The following DSTYK variants were observed in gnomAD, a reference collection of about 807,000 sequenced individuals.
The protein encoded by DSTYK is RIP-homologous kinase.
A neutral mutation model predicts 98.7 loss-of-function variants in DSTYK; 34 were observed. That is an observed-to-expected ratio of 0.34 (90% CI 0.26 to 0.46). DSTYK has a LOEUF of 0.46. Among genes scored for constraint, DSTYK ranks in the 20% least tolerant of loss-of-function variants. DSTYK has a pLI of 1.00. For missense variants in DSTYK, 962 were observed against 1,181.7 expected (o/e 0.81, Z 2.73); for synonymous variants, 462 against 457.3 (o/e 1.01, Z -0.13).
At chr1:205,178,744 T>C (rs2102431906) in intron 2 of DSTYK, among the ~76,000 whole-genome samples, 1 of 152,286 alleles carries the variant, frequency 6.6e-6, no homozygotes, top group Middle Eastern at 3.4e-3. Context: ...CACTGATTTA[T>C]TCAAAGGCAG....
chr1:205,148,284 G>C lies in DSTYK; in HGVS notation c.2523C>G (p.Ile841Met). 1 of 1,614,072 alleles carries C rather than the reference G, an allele frequency of 6.2e-7. No homozygotes were observed. The highest frequency in any genetic ancestry group is 1.3e-5 in the African/African-American group (1 of 75,016). Residue 841 changes from isoleucine (I) to methionine (M), a missense_variant, in exon 12 of 13, where the codon ATC becomes ATG. Ile to Met is a conservative substitution (Grantham distance 10). Around this residue, in one of 4 missense-constraint regions of DSTYK, gnomAD observed 69 missense variants for 142.9 expected, o/e 0.48. Transcript: ENST00000367162. Reference sequence around the variant, plus strand: ...CAGGGAGCTTGACAGAGCCTGAGCAGATATACCAGAAAAGAATTCCAAAAG... The same window carrying C: ...CAGGGAGCTTGACAGAGCCTGAGCACATATACCAGAAAAGAATTCCAAAAG... Reference protein sequence around the residue: ...VYAFGILFWYICSGSVKLPEA... With the variant: ...VYAFGILFWYMCSGSVKLPEA...
chr1:205,211,443 G>A lies in DSTYK; in HGVS notation c.93C>T (p.Phe31=), dbSNP rs777668350. 5 of 1,602,832 alleles carry A rather than the reference G, an allele frequency of 3.1e-6. No individual in the cohort carries two copies. Among genetic ancestry groups the A allele is most frequent in the African/African-American group, 1.3e-5 (1 of 74,830 alleles). Residue 31 remains phenylalanine, a synonymous_variant, in exon 1 of 13, where the codon TTC becomes TTT. Coordinates refer to ENST00000367162, the MANE Select transcript of DSTYK (RefSeq NM_015375.3). The part of the protein sequence containing the change: ...GGMIRELCRG[F]GRYRRYLGRL... ...GTCCCAGGTAGCGGCGGTAGCGGCC[G>A]AAGCCCCGGCACAGCTCGCGGATCA...
At chr1:205,159,410 G>A in intron 9 of DSTYK, 137 bp downstream of exon 9, 1 of 1,163,578 alleles carries the variant, frequency 8.6e-7, no homozygotes, top group South Asian at 1.7e-5. Context: ...AAGGGTTTTT[G>A]GAAATAAGTG....
At chr1:205,208,475 A>G (rs1307393459) in intron 1 of DSTYK, among the ~76,000 whole-genome samples, 1 of 152,248 alleles carries the variant, frequency 6.6e-6, no homozygotes, top group Non-Finnish European at 1.5e-5. Flanking sequence ...CTAGAGGCAC[A>G]GTTCCATTCT....
intron 3 of DSTYK, among the ~76,000 whole-genome samples, chr1:205,166,112 C>T (rs1312958559): frequency 6.6e-6 from 1 of 152,056 alleles, no homozygotes; most frequent in Non-Finnish European, 1.5e-5. Context: ...TCAGGCATAT[C>T]CATTAGAAGA....
intron 3 of DSTYK, among the ~76,000 whole-genome samples, chr1:205,168,731 T>C (rs1445041988): frequency 6.6e-6 from 1 of 152,216 alleles, no homozygotes; most frequent in African/African-American, 2.4e-5. Flanking sequence ...CCTCCTGATG[T>C]GGGCTTCAGA....
chr1:205,177,527 T>G (rs886520172), intron 2 of DSTYK, among the ~76,000 whole-genome samples: 1 of 152,168 alleles, frequency 6.6e-6, no homozygotes, highest in African/African-American at 2.4e-5. Flanking sequence ...AAATATTAAT[T>G]ACATATTAAG....
rs1027731621 is a variant in DSTYK at position 205,211,643 on chromosome 1, C to G, written c.-108G>C. 1 of 1,368,240 alleles carries G rather than the reference C, an allele frequency of 7.3e-7. No individual in the cohort carries two copies. Among genetic ancestry groups the G allele is most frequent in the African/African-American group, 1.5e-5 (1 of 64,868 alleles). The allele number at this position is 1,368,240 out of a possible 1,614,324, so 84.8% of individuals were successfully genotyped here. A position where few individuals can be genotyped will look rare whatever the true frequency, so the allele number is the denominator to read the frequency against. On this transcript the variant is annotated 5_prime_UTR_variant, in exon 1 of 13. Transcript: ENST00000367162. ...GAGGAGGAATCCGCCTCCTGACGCCCCCGCCTGCAGTCAGCCTGGCTCCCA... is the reference window on the plus strand; with the variant it reads ...GAGGAGGAATCCGCCTCCTGACGCCGCCGCCTGCAGTCAGCCTGGCTCCCA...
chr1:205,152,431 C>G (rs1469132004), intron 10 of DSTYK, among the ~76,000 whole-genome samples: 2 of 152,228 alleles, frequency 1.3e-5, no homozygotes, highest in Non-Finnish European at 2.9e-5. Flanking sequence ...CCTGCCTCGG[C>G]CTCCCAAAGT....
chr1:205,211,523 C>A lies in DSTYK; in HGVS notation c.13G>T (p.Gly5Trp). 1 of 1,547,344 alleles carries A rather than the reference C, an allele frequency of 6.5e-7. No homozygotes were observed. Reference sequence around the variant, plus strand: ...ACGGGCTCGCTGCCCCATGGCACCCCGTCGCCCTCCATCGCCTCTGCCCGC... The same window carrying A: ...ACGGGCTCGCTGCCCCATGGCACCCAGTCGCCCTCCATCGCCTCTGCCCGC... MEGD[G>W]VPWGSEPVSG... is the part of the protein sequence containing the mutation. Residue 5 changes from glycine to tryptophan, a missense_variant, in exon 1 of 13, where the codon GGG (glycine) becomes TGG (tryptophan). Around this residue, in one of 4 missense-constraint regions of DSTYK, gnomAD observed 168 missense variants for 120.0 expected, o/e 1.40. Transcript: ENST00000367162.
chr1:205,191,075 C>T (rs1296865239), intron 1 of DSTYK, among the ~76,000 whole-genome samples: 1 of 152,162 alleles, frequency 6.6e-6, no homozygotes, highest in Non-Finnish European at 1.5e-5. Flanking sequence ...CTTCCCCCCT[C>T]CATCTTTCCT....
chr1:205,175,755 G>C (rs1437140284), intron 2 of DSTYK, among the ~76,000 whole-genome samples: 1 of 152,222 alleles, frequency 6.6e-6, no homozygotes, highest in South Asian at 2.1e-4. Flanking sequence ...ACCTGAGAGG[G>C]AAGTCTGACC....
At chr1:205,175,022 C>G (rs1333591722) in intron 2 of DSTYK, among the ~76,000 whole-genome samples, 1 of 151,864 alleles carries the variant, frequency 6.6e-6, no homozygotes, top group African/African-American at 2.4e-5. Flanking sequence ...CAGGCACCAG[C>G]CACCGTGCCC....
chr1:205,177,852 G>A (rs1348638565), intron 2 of DSTYK, among the ~76,000 whole-genome samples: 1 of 151,154 alleles, frequency 6.6e-6, no homozygotes, highest in Non-Finnish European at 1.5e-5. Context: ...GGGAGACAGA[G>A]CGAGACTTCA....
chr1:205,209,219 G>T (rs1005314085), intron 1 of DSTYK, among the ~76,000 whole-genome samples: 1 of 152,180 alleles, frequency 6.6e-6, no homozygotes, highest in African/African-American at 2.4e-5. Flanking sequence ...TGTTTTAGAA[G>T]CAAGTCTAAA....
chr1:205,151,693 CTTTT>C (rs34595009), intron 10 of DSTYK, among the ~76,000 whole-genome samples: 1 of 46,888 alleles, frequency 2.1e-5, no homozygotes. Context: ...TATAGGCTTT[CTTTT>C]TTTTTTTTTT....
In DSTYK at chr1:205,143,383, G is replaced by A. The variant is rs1657131051; in HGVS notation, c.*4175C>T. 1 of 152,022 alleles carries A rather than the reference G, an allele frequency of 6.6e-6. No individual in the cohort carries two copies. The highest frequency in any genetic ancestry group is 6.6e-5 in the Admixed American group (1 of 15,256). The allele number at this position is 152,022 out of a possible 1,614,324, so 9.4% of individuals were successfully genotyped here. A position where few individuals can be genotyped will look rare whatever the true frequency, so the allele number is the denominator to read the frequency against. ...GCTGGTCTCGAACTCCTGACCTCAG[G>A]TTTTAAAAAGTGGGTTACTTGATCC... is the stretch of plus-strand genomic sequence containing the variant. On this transcript the variant is annotated 3_prime_UTR_variant, in exon 13 of 13. Transcript: ENST00000367162.
intron 2 of DSTYK, among the ~76,000 whole-genome samples, chr1:205,171,262 C>T (rs1378090383): frequency 6.6e-6 from 1 of 151,784 alleles, no homozygotes; most frequent in Non-Finnish European, 1.5e-5. Context: ...ATCAGCCTGG[C>T]CAAGATGGCA....
In DSTYK at chr1:205,169,170, C is replaced by T. The variant is rs772637721; in HGVS notation, c.1317G>A (p.Glu439=). Reference sequence around the variant, plus strand: ...AAGCTCTCTGGGACCTACCTTTAAACTCCATGTTAGTAGCATCATCCAGAA... The same window carrying T: ...AAGCTCTCTGGGACCTACCTTTAAATTCCATGTTAGTAGCATCATCCAGAA... ...EELLDDATNM[E]FKDVIVPENG... Residue 439 remains glutamate (E), a synonymous_variant, in exon 3 of 13, where the codon GAG becomes GAA. Coordinates refer to ENST00000367162, the MANE Select transcript of DSTYK (RefSeq NM_015375.3). This position sits in a 1 kb window ranked among gnomAD's most constrained non-coding sequence, Gnocchi z 4.0. 2.5e-6 allele frequency: 4 copies of T among 1,593,440 alleles called. No homozygotes were observed. In the South Asian group the frequency reaches 3.5e-5, roughly 14 times the overall value.
Sources: allele counts gnomAD v4.1 joint callset (sites outside exome capture counted in the v4.1 genomes callset), GRCh38; gene constraint gnomAD v4.1.1; regional missense constraint gnomAD v4.1.1; non-coding constraint Gnocchi (gnomAD v3.1); transcripts MANE v1.5; gene names NCBI Gene and HGNC (gene_info 2026-07-23, HGNC 2026-07-21).